Variants in AIFM3 observed in about 807,000 individuals in gnomAD.
AIFM3 encodes apoptosis-inducing factor 3.
Under a neutral mutation model 82.7 loss-of-function variants are expected in AIFM3, and 71 were observed. That is an observed-to-expected ratio of 0.86 (90% CI 0.71 to 1.05). AIFM3 has a LOEUF of 1.05. Ranked by LOEUF, AIFM3 falls within the 50% of genes least tolerant of loss-of-function variation. AIFM3 has a pLI of 0.00. For missense variants in AIFM3, 748 were observed against 816.7 expected (o/e 0.92, Z 1.03); for synonymous variants, 337 against 329.1 (o/e 1.02, Z -0.26).
intron 8 of AIFM3, 123 bp from the exon 9 acceptor site, chr22:20,975,569 C>T (rs1923586536): frequency 4.6e-6 from 4 of 876,778 alleles, no homozygotes; most frequent in Non-Finnish European, 7.4e-6. Context: ...TGCGCCTGGC[C>T]AGATCTGGGT....
intron 17 of AIFM3, 95 bp from the exon 18 acceptor site, chr22:20,979,532 T>G: frequency 2.6e-6 from 4 of 1,516,544 alleles, no homozygotes; most frequent in Non-Finnish European, 3.6e-6. Flanking sequence ...AAAGGACGTA[T>G]GGAGCAGGGC....
chr22:20,967,771 G>A (rs543801205), intron 1 of AIFM3, 34 bp from the exon 2 acceptor site: 2 of 645,768 alleles, frequency 3.1e-6, no homozygotes, highest in Non-Finnish European at 5.5e-6. Flanking sequence ...CTGCCCACAC[G>A]CCCCGGTCCT....
At position 20,980,743 on chromosome 22, in the gene AIFM3, G is replaced by A. The variant is rs1433687739; in HGVS notation, c.1758-4G>A. The stretch of plus-strand genomic sequence containing the variant: ...CTCCGTTTCTCTCTCTTGCCTTCGT[G>A]AAGGCTGTTTGTGCTGCACAGCAAG... On this transcript the variant is annotated splice_polypyrimidine_tract_variant and splice_region_variant and intron_variant, in intron 19 of 20. Coordinates refer to ENST00000440238, the MANE Select transcript of AIFM3 (RefSeq NM_001386814.1). The A allele has an allele frequency of 1.9e-6, 3 of 1,614,180 alleles. No homozygotes were observed. Among genetic ancestry groups the A allele is most frequent in the East Asian group, 2.2e-5 (1 of 44,884 alleles).
chr22:20,976,079 C>T, intron 9 of AIFM3, 136 bp from the exon 10 acceptor site: 1 of 969,214 alleles, frequency 1.0e-6, no homozygotes, highest in Non-Finnish European at 1.6e-6. Flanking sequence ...AGAATGAAGC[C>T]CAGGTGGCAG....
chr22:20,980,157 A>T (rs1297871337), intron 19 of AIFM3, 33 bp downstream of exon 19: 2 of 1,593,322 alleles, frequency 1.3e-6, no homozygotes, highest in African/African-American at 2.7e-5. Context: ...TGGGGGTGGG[A>T]GTAGTTCCCT....
intron 18 of AIFM3, 30 bp from the exon 19 acceptor site, chr22:20,979,990 T>C (rs367584732): frequency 2.6e-5 from 41 of 1,597,828 alleles, no homozygotes; most frequent in Non-Finnish European, 3.2e-5. Context: ...TGCCTCGCAG[T>C]CCTCAGGCTT....
chr22:20,974,760 A>G lies in AIFM3; in HGVS notation c.664A>G (p.Ile222Val). The change falls in exon 8 of 21, where the codon ATC becomes GTC. Residue 222 changes from isoleucine (I) to valine (V), a missense_variant. By Grantham distance (29) the Ile-to-Val change is conservative (BLOSUM62 3). Coordinates refer to ENST00000440238, the MANE Select transcript of AIFM3 (RefSeq NM_001386814.1). ...TLRQEGFSDR[I>V]VLCTLDRHLP... ...GCGGCAGGAGGGCTTCTCCGACCGG[A>G]TCGTCCTGTGCACGCTAGACCGGCA... 6.2e-7 allele frequency: 1 copy of G among 1,613,662 alleles called. No individual in the cohort carries two copies. Among genetic ancestry groups the G allele is most frequent in the Non-Finnish European group, 8.5e-7 (1 of 1,179,948 alleles).
upstream of AIFM3, among the ~76,000 whole-genome samples, chr22:20,965,853 G>A (rs954154549): frequency 2.2e-4 from 34 of 152,132 alleles, no homozygotes; most frequent in African/African-American, 8.0e-4. Flanking sequence ...CGCCTCACAG[G>A]TCCTGGGGTC....
rs770280649 is a variant in AIFM3 at position 20,967,910 on chromosome 22, G to T, written c.-35G>T. 3.1e-6 allele frequency: 5 copies of T among 1,613,952 alleles called. No homozygotes were observed. The highest frequency in any genetic ancestry group is 1.6e-4 in the Middle Eastern group (1 of 6,062). On this transcript the variant is annotated 5_prime_UTR_variant, in exon 2 of 21. Coordinates refer to ENST00000440238, the MANE Select transcript of AIFM3 (RefSeq NM_001386814.1). ...AGGCCTCCGACAGCTCCCCATCTGT[G>T]CTCCTGCCTGCCGGCCATCCTCAGG...
intron 2 of AIFM3, among the ~76,000 whole-genome samples, chr22:20,972,206 A>G (rs563822935): frequency 1.1e-4 from 17 of 152,194 alleles, no homozygotes; most frequent in African/African-American, 4.1e-4. Flanking sequence ...GGAGTTCGAG[A>G]CCAGCCTGAC....
chr22:20,975,717 T>C lies in AIFM3; in HGVS notation c.746T>C (p.Leu249Pro), dbSNP rs1358895421. 2 of 1,613,772 alleles carry C rather than the reference T, an allele frequency of 1.2e-6. No homozygotes were observed. Among genetic ancestry groups the C allele is most frequent in the Non-Finnish European group, 1.7e-6 (2 of 1,179,998 alleles). ...SKSLDTQPEQLALRPKEFFRA... is the reference protein window; with the variant it reads ...SKSLDTQPEQPALRPKEFFRA... The stretch of plus-strand genomic sequence containing the variant: ...TCCCTGGACACACAGCCTGAGCAGC[T>C]GGCCCTGAGGCCCAAGGAGTTTTTC... Residue 249 changes from leucine (L) to proline (P), a missense_variant, in exon 9 of 21, where the codon CTG becomes CCG. Leu to Pro is a moderately conservative substitution (Grantham distance 98, BLOSUM62 -3). This residue lies in a region of AIFM3 where 393 missense variants were observed against 481.1 expected (regional missense o/e 0.82). Transcript: ENST00000440238.
chr22:20,976,737 G>A lies in AIFM3; in HGVS notation c.1117G>A (p.Gly373Arg), dbSNP rs749634759. 13 of 1,610,280 alleles carry A rather than the reference G, an allele frequency of 8.1e-6. No individual in the cohort carries two copies. In the South Asian group the frequency reaches 1.2e-4, roughly 15 times the overall value. Residue 373 changes from glycine (G) to arginine (R), a missense_variant, in exon 12 of 21, where the codon GGG becomes AGG. Physicochemically the swap from Gly to Arg is moderately radical, Grantham distance 125. Around this residue, in one of 5 missense-constraint regions of AIFM3, gnomAD observed 393 missense variants for 481.1 expected, o/e 0.82. Coordinates refer to ENST00000440238, the MANE Select transcript of AIFM3 (RefSeq NM_001386814.1). ...GGAGACGCCCTTCAGGAGGTTCCTG[G>A]GGGAGCGCGTGGGTCGTGCCCTCAT... is the stretch of plus-strand genomic sequence containing the variant. ...LEETPFRRFLGERVGRALMKM... is the reference protein window; with the variant it reads ...LEETPFRRFLRERVGRALMKM...
At chr22:20,973,889 G>C in intron 4 of AIFM3, 22 bp downstream of exon 4, 1 of 1,504,730 alleles carries the variant, frequency 6.6e-7, no homozygotes, top group Non-Finnish European at 8.9e-7. Context: ...GGTGGGAGGC[G>C]TGAGGGGGAC....
chr22:20,974,919 C>T, intron 8 of AIFM3, 103 bp downstream of exon 8: 2 of 1,084,972 alleles, frequency 1.8e-6, no homozygotes, highest in South Asian at 1.5e-5. Context: ...GGCTGCCCTC[C>T]CTGCTTATGC....
chr22:20,979,621 CCACAGG>C lies in AIFM3; in HGVS notation c.1577-4_1578del, dbSNP rs775009433. ...CGTGGGTGCCACCCACCTGCCCGGC[CCACAGG>C]CTACGGAGAAGGCTTCGACGACGTC... On this transcript the variant is annotated splice_acceptor_variant and splice_polypyrimidine_tract_variant and coding_sequence_variant and intron_variant, in exon 18 of 21. Transcript: ENST00000440238. LOFTEE classifies it high-confidence loss of function. 1 of 1,614,118 alleles carries C rather than the reference CCACAGG, an allele frequency of 6.2e-7. No individual in the cohort carries two copies. Among genetic ancestry groups the C allele is most frequent in the South Asian group, 1.1e-5 (1 of 91,076 alleles).
chr22:20,973,715 T>A, intron 3 of AIFM3, 43 bp from the exon 4 acceptor site: 2 of 1,489,736 alleles, frequency 1.3e-6, no homozygotes, highest in Non-Finnish European at 1.8e-6. Flanking sequence ...CAGGAGGTTG[T>A]GCCTGGTGTC....
chr22:20,967,557 C>T (rs543863143), intron 1 of AIFM3, among the ~76,000 whole-genome samples: 7 of 152,172 alleles, frequency 4.6e-5, no homozygotes, highest in South Asian at 4.2e-4. Context: ...GCAAGGCAGC[C>T]GCGGGGCTGG....
chr22:20,977,796 G>T lies in AIFM3; in HGVS notation c.1359+20G>T, dbSNP rs770043130. 5 of 1,614,158 alleles carry T rather than the reference G, an allele frequency of 3.1e-6. No individual in the cohort carries two copies. The highest frequency in any genetic ancestry group is 4.2e-6 in the Non-Finnish European group (5 of 1,180,002). On this transcript the variant is annotated intron_variant, in intron 15 of 20. Coordinates refer to ENST00000440238, the MANE Select transcript of AIFM3 (RefSeq NM_001386814.1). ...AACAAGGTGGGGTGGATGGCACTGG[G>T]TGGGGAGGACCCGGTGCTGGGCTGG...
In AIFM3 at chr22:20,976,811, G is replaced by A. The variant is rs374116315; in HGVS notation, c.1146+45G>A. On this transcript the variant is annotated intron_variant, in intron 12 of 20. Transcript: ENST00000440238. ...CAGTGCCTTGGAGCCCTGGGGCCCA[G>A]CCCGGCCCCTGGCTGGGCTCTCATC... is the stretch of plus-strand genomic sequence containing the variant. The A allele has an allele frequency of 2.6e-4, 411 of 1,596,974 alleles. 2 individuals are homozygous for A. The African/African-American group carries it at 4.4e-3, about 17-fold the overall frequency.
Sources: gnomAD v4.1 joint callset for allele counts (sites outside exome capture counted in the v4.1 genomes callset) on GRCh38, gnomAD v4.1.1 for gene constraint, gnomAD v4.1.1 regional missense constraint, MANE v1.5 for transcripts, NCBI Gene and HGNC (gene_info 2026-07-23, HGNC 2026-07-21) for gene names.